The following MYO9A variants were observed in gnomAD, a reference collection of about 807,000 sequenced individuals.
The protein encoded by MYO9A is myosin IXA.
A neutral mutation model predicts 293.3 loss-of-function variants in MYO9A; 103 were observed. That is an observed-to-expected ratio of 0.35 (90% CI 0.30 to 0.41). MYO9A has a LOEUF of 0.41. MYO9A is among the 10% of genes least tolerant of loss of function. MYO9A has a pLI of 1.00. For synonymous variants in MYO9A, 1,001 were observed against 1,035.7 expected, an observed-to-expected ratio of 0.97 and a Z score of 0.64; for missense variants, 2,685 against 3,033.0, an observed-to-expected ratio of 0.89 and a Z score of 2.69.
chr15:72,108,703 A>G (rs1044260320), intron 1 of MYO9A, among the ~76,000 whole-genome samples: 1 of 151,674 alleles, frequency 6.6e-6, no homozygotes, highest in Non-Finnish European at 1.5e-5. Context: ...TACGAAAAAT[A>G]TGTATTTCTT....
intron 19 of MYO9A, among the ~76,000 whole-genome samples, chr15:71,905,296 A>G (rs957405638): frequency 6.6e-6 from 1 of 152,208 alleles, no homozygotes; most frequent in Non-Finnish European, 1.5e-5. Flanking sequence ...ACATTTCATC[A>G]AACAATTTTA....
intron 12 of MYO9A, among the ~76,000 whole-genome samples, chr15:71,975,020 A>G (rs565254768): frequency 1.3e-5 from 2 of 152,352 alleles, no homozygotes; most frequent in African/African-American, 4.8e-5. Flanking sequence ...AAGAGATGAC[A>G]CTGTCTTTAA....
At chr15:71,981,449 G>A (rs2076268652) in intron 11 of MYO9A, among the ~76,000 whole-genome samples, 1 of 152,178 alleles carries the variant, frequency 6.6e-6, no homozygotes, top group Admixed American at 6.5e-5. Flanking sequence ...CATATTCAAT[G>A]TCATTAATAG....
intron 19 of MYO9A, among the ~76,000 whole-genome samples, chr15:71,905,914 ATTC>A (rs1440019034): frequency 6.6e-6 from 1 of 151,446 alleles, no homozygotes; most frequent in African/African-American, 2.4e-5. Flanking sequence ...GGTTTCATAT[ATTC>A]TTTTTATAGT....
chr15:72,018,451 G>C (rs1282618031), intron 6 of MYO9A, among the ~76,000 whole-genome samples: 2 of 152,000 alleles, frequency 1.3e-5, no homozygotes, highest in Non-Finnish European at 2.9e-5. Flanking sequence ...AAAAGAGCGA[G>C]ACTCTGTCAC....
At chr15:71,932,032 G>C (rs1451720219) in intron 18 of MYO9A, among the ~76,000 whole-genome samples, 1 of 151,836 alleles carries the variant, frequency 6.6e-6, no homozygotes, top group Non-Finnish European at 1.5e-5. Context: ...TGCTGCCTTT[G>C]TTTTTTGTTG....
At chr15:71,929,548 T>C (rs1322509859) in intron 18 of MYO9A, among the ~76,000 whole-genome samples, 2 of 152,348 alleles carry the variant, frequency 1.3e-5, no homozygotes, top group East Asian at 1.9e-4. Context: ...AATGACAGTA[T>C]GGTTTTTGCT....
chr15:71,956,814 T>A (rs1448147637), intron 14 of MYO9A, among the ~76,000 whole-genome samples: 1 of 145,576 alleles, frequency 6.9e-6, no homozygotes, highest in African/African-American at 2.5e-5. Context: ...TATATATATA[T>A]GCTATATATG....
At chr15:71,924,647 G>A (rs1398668169) in intron 18 of MYO9A, among the ~76,000 whole-genome samples, 8 of 152,188 alleles carry the variant, frequency 5.3e-5, no homozygotes, top group South Asian at 2.1e-4. Context: ...TGGGCCAGGC[G>A]TGGTGGCTCA....
chr15:72,029,483 A>G (rs981014720), intron 3 of MYO9A, among the ~76,000 whole-genome samples: 2 of 152,204 alleles, frequency 1.3e-5, no homozygotes, highest in African/African-American at 4.8e-5. Flanking sequence ...GTATTTGTGC[A>G]TTTAAACATA....
intron 18 of MYO9A, among the ~76,000 whole-genome samples, chr15:71,930,615 T>C (rs1156881024): frequency 6.6e-6 from 1 of 152,202 alleles, no homozygotes; most frequent in African/African-American, 2.4e-5. Flanking sequence ...CTCTCGCAGG[T>C]AGCATATAGA....
At chr15:72,078,419 AAGAT>A (rs1187183851) in intron 1 of MYO9A, among the ~76,000 whole-genome samples, 1 of 152,074 alleles carries the variant, frequency 6.6e-6, no homozygotes, top group East Asian at 1.9e-4. Flanking sequence ...TTGAACCAGA[AAGAT>A]AGAGGCTAGA....
At chr15:71,910,271 C>A (rs913545817) in intron 19 of MYO9A, among the ~76,000 whole-genome samples, 2 of 150,222 alleles carry the variant, frequency 1.3e-5, no homozygotes, top group African/African-American at 2.4e-5. Flanking sequence ...TATTTCCACA[C>A]CCCAACCAAG....
At chr15:71,867,784 A>G (rs1353331393) in intron 32 of MYO9A, among the ~76,000 whole-genome samples, 2 of 144,438 alleles carry the variant, frequency 1.4e-5, no homozygotes, top group Admixed American at 7.3e-5. Flanking sequence ...ACTAATTTCA[A>G]TTCTGGGAAT....
intron 17 of MYO9A, 79 bp from the exon 18 acceptor site, chr15:71,933,788 C>A: frequency 8.2e-7 from 1 of 1,220,256 alleles, no homozygotes; most frequent in Non-Finnish European, 1.2e-6. Flanking sequence ...AGAAAGATTT[C>A]AAGGTCTCTC....
intron 9 of MYO9A, 108 bp from the exon 10 acceptor site, chr15:71,994,693 A>G (rs1039762819): frequency 2.2e-5 from 13 of 599,552 alleles, no homozygotes; most frequent in Non-Finnish European, 3.1e-5. Context: ...CCTGAATTAG[A>G]AATGAATTTT....
chr15:71,983,252 A>AC (rs2148053713), intron 11 of MYO9A, among the ~76,000 whole-genome samples: 1 of 150,748 alleles, frequency 6.6e-6, no homozygotes, highest in African/African-American at 2.4e-5. Context: ...TATCCTCTGT[A>AC]TTTTTTTTCA....
chr15:71,860,365 G>C (rs1036249476), intron 33 of MYO9A, among the ~76,000 whole-genome samples: 8 of 152,192 alleles, frequency 5.3e-5, no homozygotes, highest in Non-Finnish European at 8.8e-5. Context: ...TTGTGATTGG[G>C]AAGATGGGAT....
intron 28 of MYO9A, among the ~76,000 whole-genome samples, chr15:71,882,152 C>A (rs1596099259): frequency 6.6e-6 from 1 of 152,290 alleles, no homozygotes; most frequent in African/African-American, 2.4e-5. Flanking sequence ...ATGCTGGTTT[C>A]TTACTGTAAC....
Sources: gnomAD v4.1 joint callset for allele counts (sites outside exome capture counted in the v4.1 genomes callset) on GRCh38, gnomAD v4.1.1 for gene constraint, MANE v1.5 for transcripts, NCBI Gene and HGNC (gene_info 2026-07-23, HGNC 2026-07-21) for gene names.